Variants in YLPM1 observed in about 807,000 individuals in gnomAD.
The protein encoded by YLPM1 is YLP motif containing 1.
A neutral mutation model predicts 230.0 loss-of-function variants in YLPM1; 99 were observed. The observed-to-expected ratio is 0.43, with a 90% CI of 0.37 to 0.51. The LOEUF (loss-of-function observed/expected upper bound fraction) is 0.51. YLPM1 is among the 20% of genes least tolerant of loss of function. The pLI, the probability that YLPM1 is intolerant of heterozygous loss-of-function variation, is 0.00. For synonymous variants in YLPM1, 984 were observed against 942.5 expected (o/e 1.04, Z -0.81); for missense variants, 2,592 against 2,707.7 (o/e 0.96, Z 0.95).
Position 74,798,795 on chromosome 14 carries a change from A to G in YLPM1, c.3498A>G (p.Arg1166=), listed in dbSNP as rs188370778. The change falls in exon 5 of 21, where the codon AGA becomes AGG. Residue 1166 remains arginine, a synonymous_variant. Transcript: ENST00000325680. Reference sequence around the variant, plus strand: ...GAAGATCAGATTTTGGTCGTGATAGAGGTCCATTCAGACCAGAACCAGGAG... The same window carrying G: ...GAAGATCAGATTTTGGTCGTGATAGGGGTCCATTCAGACCAGAACCAGGAG... ...GLGRSDFGRD[R]GPFRPEPGDG... 4.3e-6 allele frequency: 7 copies of G among 1,613,916 alleles called. No individual in the cohort carries two copies. The highest frequency in any genetic ancestry group is 8.5e-7 in the Non-Finnish European group (1 of 1,179,868).
chr14:74,816,522 A>T (rs374149050), intron 12 of YLPM1, 49 bp from the exon 13 acceptor site: 1 of 1,569,036 alleles, frequency 6.4e-7, no homozygotes, highest in Non-Finnish European at 8.6e-7. Flanking sequence ...TGTGAACATT[A>T]ATTTATTCCA....
At chr14:74,827,623 A>G (rs1045670664) in intron 18 of YLPM1, 8 of 985,288 alleles carry the variant, frequency 8.1e-6, no homozygotes, top group African/African-American at 1.7e-5. Context: ...GAACTGAAAT[A>G]TGAAATTTTT....
At chr14:74,800,568 A>G (rs934885883) in intron 5 of YLPM1, among the ~76,000 whole-genome samples, 5 of 152,244 alleles carry the variant, frequency 3.3e-5, no homozygotes, top group South Asian at 2.1e-4. Flanking sequence ...ATAAATTCCA[A>G]TGTATTTCTT....
intron 6 of YLPM1, among the ~76,000 whole-genome samples, chr14:74,807,752 C>T (rs570230170): frequency 2.0e-5 from 3 of 152,302 alleles, no homozygotes; most frequent in East Asian, 3.9e-4. Context: ...CTGTTGGTCT[C>T]AGCTTCACCA....
In YLPM1 at chr14:74,835,967, G is replaced by A. The variant is rs1269337944; in HGVS notation, c.*229G>A. ...TAATTTTTCTTTTAACTGTTTTGGGGAGGGAGGGAGTGATAGCTTAACTGC... is the reference window on the plus strand; with the variant it reads ...TAATTTTTCTTTTAACTGTTTTGGGAAGGGAGGGAGTGATAGCTTAACTGC... On this transcript the variant is annotated 3_prime_UTR_variant, in exon 21 of 21. Coordinates refer to ENST00000325680, the MANE Select transcript of YLPM1 (RefSeq NM_019589.3). 6.7e-6 allele frequency: 3 copies of A among 446,852 alleles called. No individual in the cohort carries two copies. Among genetic ancestry groups the A allele is most frequent in the Non-Finnish European group, 1.3e-5 (3 of 223,620 alleles). The allele number at this position is 446,852 out of a possible 1,614,324, so 27.7% of individuals were successfully genotyped here.
In YLPM1 at chr14:74,797,743, C is replaced by T; in HGVS notation, c.2446C>T (p.Pro816Ser). Residue 816 changes from proline to serine, a missense_variant, in exon 5 of 21, where the codon CCA (proline) becomes TCA (serine). Pro to Ser is a moderately conservative substitution (Grantham distance 74). Coordinates refer to ENST00000325680, the MANE Select transcript of YLPM1 (RefSeq NM_019589.3). ...CAAGTGGGGAATGATTCCCCGGGGGCCAGCATCTCAATTTTATATTACCCC... is the reference window on the plus strand; with the variant it reads ...CAAGTGGGGAATGATTCCCCGGGGGTCAGCATCTCAATTTTATATTACCCC... ...KSKWGMIPRG[P>S]ASQFYITPST... The T allele has an allele frequency of 5.0e-6, 8 of 1,613,456 alleles. No homozygotes were observed. Among genetic ancestry groups the T allele is most frequent in the Non-Finnish European group, 6.8e-6 (8 of 1,179,632 alleles).
Position 74,809,813 on chromosome 14 carries a change from G to C in YLPM1, c.4939+16G>C. On this transcript the variant is annotated intron_variant, in intron 7 of 20. Coordinates refer to ENST00000325680, the MANE Select transcript of YLPM1 (RefSeq NM_019589.3). ...CATGGCCGAGGTGAGTAATGATAGTGCACTTGTATTTGGGATTCTACAGGA... is the reference window on the plus strand; with the variant it reads ...CATGGCCGAGGTGAGTAATGATAGTCCACTTGTATTTGGGATTCTACAGGA... The C allele has an allele frequency of 6.2e-7, 1 of 1,612,642 alleles. No homozygotes were observed. Among genetic ancestry groups the C allele is most frequent in the Non-Finnish European group, 8.5e-7 (1 of 1,179,506 alleles).
intron 1 of YLPM1, among the ~76,000 whole-genome samples, chr14:74,766,457 AC>A (rs984023082): frequency 2.0e-5 from 3 of 148,558 alleles, no homozygotes; most frequent in African/African-American, 7.4e-5. Context: ...TGCCATGTTT[AC>A]TTCACCTAGG....
At chr14:74,768,758 T>C (rs1347409975) in intron 1 of YLPM1, among the ~76,000 whole-genome samples, 3 of 152,192 alleles carry the variant, frequency 2.0e-5, no homozygotes, top group Non-Finnish European at 2.9e-5. Context: ...CCTGCCCTCA[T>C]TGACTTCTTG....
intron 16 of YLPM1, among the ~76,000 whole-genome samples, 196 bp downstream of exon 16, chr14:74,818,510 C>G (rs1374720460): frequency 6.6e-6 from 1 of 152,134 alleles, no homozygotes; most frequent in African/African-American, 2.4e-5. Context: ...TATTAACATT[C>G]TTGTTAATGA....
intron 16 of YLPM1, among the ~76,000 whole-genome samples, chr14:74,819,423 C>T (rs1034169094): frequency 1.3e-5 from 2 of 151,880 alleles, no homozygotes; most frequent in African/African-American, 2.4e-5. Flanking sequence ...TACAGGCATG[C>T]GCCACCATGC....
At chr14:74,821,176 A>G (rs775042549) in intron 17 of YLPM1, 39 bp downstream of exon 17, 7 of 1,517,638 alleles carry the variant, frequency 4.6e-6, no homozygotes, top group Middle Eastern at 1.7e-4. Flanking sequence ...GTGTCTCTTT[A>G]TTAAAATTCT....
intron 20 of YLPM1, among the ~76,000 whole-genome samples, 162 bp downstream of exon 20, chr14:74,835,609 G>C (rs745398664): frequency 1.3e-5 from 2 of 152,116 alleles, no homozygotes; most frequent in Non-Finnish European, 2.9e-5. Context: ...AATACTATTA[G>C]AAAAGGAAGC....
chr14:74,791,217 A>G (rs567097923), intron 4 of YLPM1, among the ~76,000 whole-genome samples: 1 of 152,328 alleles, frequency 6.6e-6, no homozygotes, highest in South Asian at 2.1e-4. Context: ...GCAGTGAGCT[A>G]GGATCATGCC....
chr14:74,788,245 C>G (rs1454229555), intron 4 of YLPM1, among the ~76,000 whole-genome samples: 1 of 152,022 alleles, frequency 6.6e-6, no homozygotes, highest in Non-Finnish European at 1.5e-5. Flanking sequence ...TTCAGCCTCC[C>G]AAGTAGCTGG....
chr14:74,796,196 A>G (rs992937374), intron 4 of YLPM1, among the ~76,000 whole-genome samples: 7 of 152,166 alleles, frequency 4.6e-5, no homozygotes, highest in African/African-American at 9.7e-5. Flanking sequence ...GGCATACACA[A>G]TCTTCTGGAG....
intron 17 of YLPM1, 46 bp from the exon 18 acceptor site, chr14:74,824,210 T>C (rs751785585): frequency 1.3e-6 from 2 of 1,587,964 alleles, no homozygotes; most frequent in East Asian, 2.3e-5. Flanking sequence ...TATGCATGTA[T>C]GTGTCTCTTT....
chr14:74,773,861 T>C lies in YLPM1; in HGVS notation c.874-4586T>C, dbSNP rs2091004646. ...TCACCCTCCGGAGTAGCTGAGATTA[T>C]AGGTGTGTGCCACCACACCCTACTA... is the stretch of plus-strand genomic sequence containing the variant. On this transcript the variant is annotated intron_variant, in intron 1 of 20. Transcript: ENST00000325680. Among the ~76,000 whole-genome samples the C allele has an allele frequency of 4.0e-5, 6 of 151,752 alleles. No homozygotes were observed. In the South Asian group the frequency reaches 1.0e-3, roughly 26 times the overall value.
intron 6 of YLPM1, among the ~76,000 whole-genome samples, chr14:74,807,447 T>G (rs891451545): frequency 6.6e-6 from 1 of 152,124 alleles, no homozygotes; most frequent in African/African-American, 2.4e-5. Context: ...TTTGGGAGGC[T>G]GAAGCGAGAA....
Sources: gnomAD v4.1 joint callset for allele counts (sites outside exome capture counted in the v4.1 genomes callset) on GRCh38, gnomAD v4.1.1 for gene constraint, MANE v1.5 for transcripts, NCBI Gene and HGNC (gene_info 2026-07-23, HGNC 2026-07-21) for gene names.